VGLL1: variants seen among roughly 807,000 people sequenced by gnomAD.
VGLL1 encodes transcription cofactor vestigial-like protein 1.
VGLL1 carries 4 observed loss-of-function variants against 12.0 expected under a neutral mutation model. The ratio of observed to expected loss-of-function variants is 0.33; its 90% CI spans 0.16 to 0.76. VGLL1 has a LOEUF of 0.76. Among genes scored for constraint, VGLL1 ranks in the 30% least tolerant of loss-of-function variants. The pLI is 0.60. For synonymous variants in VGLL1, 87 were observed against 81.2 expected (o/e 1.07, Z -0.39); for missense variants, 204 against 208.7 (o/e 0.98, Z 0.14).
intron 2 of VGLL1, among the ~76,000 whole-genome samples, chrX:136,544,877 C>T (rs748440157): frequency 8.9e-6 from 1 of 111,808 alleles, no homozygotes; most frequent in African/African-American, 3.3e-5. Flanking sequence ...CCTTTCTGCC[C>T]CTCCCTTCTC....
chrX:136,552,789 A>C (rs1197738800), intron 4 of VGLL1, among the ~76,000 whole-genome samples: 1 of 112,173 alleles, frequency 8.9e-6, no homozygotes, highest in Non-Finnish European at 1.9e-5. Context: ...ACAGTGTCAT[A>C]AAATTATCAG....
chrX:136,546,225 C>T (rs1297942480), intron 2 of VGLL1, among the ~76,000 whole-genome samples: 1 of 111,835 alleles, frequency 8.9e-6, no homozygotes, highest in Non-Finnish European at 1.9e-5. Flanking sequence ...CTTTTAGTAG[C>T]AGCAGCAGCC....
intron 4 of VGLL1, among the ~76,000 whole-genome samples, chrX:136,551,931 TAGAG>T (rs772212225): frequency 9.1e-6 from 1 of 110,029 alleles, no homozygotes; most frequent in East Asian, 2.9e-4. Context: ...AAAATAAAAA[TAGAG>T]AGGATCCAAA....
chrX:136,539,996 C>A (rs755213656), intron 2 of VGLL1, among the ~76,000 whole-genome samples: 1 of 111,538 alleles, frequency 9.0e-6, no homozygotes, highest in African/African-American at 3.3e-5. Context: ...TGTGTAGGTT[C>A]TATCTTCAAA....
intron 3 of VGLL1, among the ~76,000 whole-genome samples, chrX:136,549,778 A>G (rs1174297812): frequency 8.9e-6 from 1 of 111,745 alleles, no homozygotes; most frequent in African/African-American, 3.3e-5. Flanking sequence ...CATTAATTAT[A>G]CTTCCACCAA....
intron 1 of VGLL1, among the ~76,000 whole-genome samples, chrX:136,534,514 A>G (rs1323264508): frequency 2.7e-5 from 3 of 112,579 alleles, no homozygotes; most frequent in Non-Finnish European, 5.6e-5. Context: ...GTAACATTCC[A>G]TTGTATAAAT....
intron 1 of VGLL1, among the ~76,000 whole-genome samples, chrX:136,533,846 G>A (rs2075832574): frequency 8.9e-6 from 1 of 112,076 alleles, no homozygotes; most frequent in Admixed American, 9.4e-5. Context: ...AGAAGTTAAC[G>A]CCAGAAAGAC....
intron 2 of VGLL1, among the ~76,000 whole-genome samples, chrX:136,547,416 A>G: frequency 8.9e-6 from 1 of 112,068 alleles, no homozygotes; most frequent in East Asian, 2.8e-4. Context: ...CCTCTTAACC[A>G]ATCCACATGA....
intron 2 of VGLL1, among the ~76,000 whole-genome samples, chrX:136,537,934 G>T (rs769934277): frequency 9.0e-6 from 1 of 110,754 alleles, no homozygotes; most frequent in East Asian, 2.8e-4. Flanking sequence ...TCTATGAAAA[G>T]AAAACGCATG....
At chrX:136,538,583 G>A (rs1033885452) in intron 2 of VGLL1, among the ~76,000 whole-genome samples, 3 of 112,091 alleles carry the variant, frequency 2.7e-5, no homozygotes, top group Non-Finnish European at 3.8e-5. Flanking sequence ...CATGTTGAAC[G>A]ACTTGCTCCC....
At chrX:136,546,756 A>G (rs1002384406) in intron 2 of VGLL1, among the ~76,000 whole-genome samples, 2 of 112,697 alleles carry the variant, frequency 1.8e-5, no homozygotes, top group African/African-American at 6.5e-5. Context: ...CAGTACCCTC[A>G]TTCAATATGA....
At chrX:136,538,525 C>T (rs1397876385) in intron 2 of VGLL1, among the ~76,000 whole-genome samples, 1 of 112,109 alleles carries the variant, frequency 8.9e-6, no homozygotes, top group African/African-American at 3.2e-5. Flanking sequence ...GCAAATATAT[C>T]AGGGTCTGGT....
chrX:136,548,670 C>T lies in VGLL1; in HGVS notation c.296C>T (p.Ala99Val). The change falls in exon 3 of 5, where the codon GCC (alanine) becomes GTC (valine). Residue 99 changes from alanine (A) to valine (V), a missense_variant. Physicochemically the swap from Ala to Val is moderately conservative, Grantham distance 64 (BLOSUM62 0). Coordinates refer to ENST00000370634, the MANE Select transcript of VGLL1 (RefSeq NM_016267.4). ...PQPEVPVTNR[A>V]ANCNLHVPGP... is the part of the protein sequence containing the mutation. Reference sequence around the variant, plus strand: ...CCAGAAGTACCTGTCACAAACCGTGCCGCCAACTGCAACTTGCATGTGCCT... The same window carrying T: ...CCAGAAGTACCTGTCACAAACCGTGTCGCCAACTGCAACTTGCATGTGCCT... 1 of 1,212,064 alleles carries T rather than the reference C, an allele frequency of 8.3e-7. No individual in the cohort carries two copies. Among genetic ancestry groups the T allele is most frequent in the East Asian group, 3.0e-5 (1 of 33,852 alleles).
At chrX:136,534,430 T>C (rs1468138443) in intron 1 of VGLL1, among the ~76,000 whole-genome samples, 1 of 112,851 alleles carries the variant, frequency 8.9e-6, no homozygotes, top group Non-Finnish European at 1.9e-5. Context: ...CTGGATTCTT[T>C]CACTCAACAT....
intron 2 of VGLL1, among the ~76,000 whole-genome samples, chrX:136,538,474 A>G (rs2075846476): frequency 8.9e-6 from 1 of 112,507 alleles, no homozygotes; most frequent in Admixed American, 9.4e-5. Context: ...CGCCAGCTGG[A>G]TGTCACTCAA....
Position 136,544,390 on chromosome X carries a change from G to T in VGLL1, c.215-4199G>T, listed in dbSNP as rs766849392. Among the ~76,000 whole-genome samples the T allele has an allele frequency of 3.6e-5, 4 of 112,282 alleles. No homozygotes were observed. The East Asian group carries it at 8.4e-4, about 23-fold the overall frequency. ...AAATTTTAGGGTTTTGATATTTACC[G>T]ACAAATTTCTTCCTAGAAATGTTAT... On this transcript the variant is annotated intron_variant, in intron 2 of 4. Transcript: ENST00000370634.
chrX:136,539,558 G>C (rs1409797689), intron 2 of VGLL1, among the ~76,000 whole-genome samples: 1 of 111,165 alleles, frequency 9.0e-6, no homozygotes, highest in East Asian at 2.8e-4. Flanking sequence ...ATGCTTTCTT[G>C]GTTTTCCTCC....
chrX:136,540,058 G>A (rs756053995), intron 2 of VGLL1, among the ~76,000 whole-genome samples: 18 of 111,681 alleles, frequency 1.6e-4, no homozygotes, highest in Admixed American at 2.9e-4. Flanking sequence ...CTGGGTCCTA[G>A]AAGCTATCAT....
chrX:136,552,968 A>G (rs1405836639), intron 4 of VGLL1, among the ~76,000 whole-genome samples: 2 of 111,718 alleles, frequency 1.8e-5, no homozygotes, highest in Non-Finnish European at 3.8e-5. Context: ...AGAAAAATAT[A>G]CCTTTGGGAA....
Sources: gnomAD v4.1 joint callset for allele counts (sites outside exome capture counted in the v4.1 genomes callset) on GRCh38, gnomAD v4.1.1 for gene constraint, MANE v1.5 for transcripts, NCBI Gene and HGNC (gene_info 2026-07-23, HGNC 2026-07-21) for gene names.